DDAH1: variants seen among roughly 807,000 people sequenced by gnomAD.
The protein encoded by DDAH1 is dimethylarginine dimethylaminohydrolase 1, also known as N(G),N(G)-dimethylarginine dimethylaminohydrolase 1.
A neutral mutation model predicts 28.8 loss-of-function variants in DDAH1; 19 were observed. The ratio of observed to expected loss-of-function variants is 0.66; its 90% CI spans 0.46 to 0.97. The LOEUF is 0.97. DDAH1 is among the 50% of genes least tolerant of loss of function. The probability of loss-of-function intolerance (pLI) is 0.00; values close to 1 mark genes in which losing one functional copy is unlikely to be tolerated. For synonymous variants in DDAH1, 153 were observed against 154.4 expected, an observed-to-expected ratio of 0.99 and a Z score of 0.07; for missense variants, 326 against 375.9, an observed-to-expected ratio of 0.87 and a Z score of 1.10.
At chr1:85,326,544 T>TCC (rs1647407148) in intron 4 of DDAH1, among the ~76,000 whole-genome samples, 1 of 152,192 alleles carries the variant, frequency 6.6e-6, no homozygotes, top group Non-Finnish European at 1.5e-5. Flanking sequence ...CTCAAAACGT[T>TCC]TCTTAATCAT....
chr1:85,551,344 T>G (rs375700174), intron 1 of DDAH1, among the ~76,000 whole-genome samples: 1 of 152,222 alleles, frequency 6.6e-6, no homozygotes, highest in Non-Finnish European at 1.5e-5. Context: ...TCTACTACTC[T>G]GGGATCTGCT....
intron 1 of DDAH1, among the ~76,000 whole-genome samples, chr1:85,424,497 A>G (rs567422924): frequency 2.0e-5 from 3 of 152,260 alleles, no homozygotes; most frequent in Admixed American, 1.3e-4. Context: ...CACACACTAT[A>G]TAAGTAAAGA....
At chr1:85,493,796 T>C (rs1656485514) in intron 2 of DDAH1, 1 of 152,222 alleles carries the variant, frequency 6.6e-6, no homozygotes, top group Non-Finnish European at 1.5e-5. Context: ...GAGACAGCTT[T>C]TTAAAATGGA....
rs540316564 is a variant in DDAH1 at position 85,358,716 on chromosome 1, T to A, written c.403+32A>T. The A allele has an allele frequency of 2.7e-4, 389 of 1,417,560 alleles. 5 individuals carry two copies. In the South Asian group the frequency reaches 4.5e-3, roughly 16 times the overall value. 87.8% of individuals were successfully genotyped at this position (1,417,560 alleles called of 1,614,324 possible). ...AAATACAAGCCAAGTATTAAAAATA[T>A]TCTTGGATAGAAAAAATAAATACAA... On this transcript the variant is annotated intron_variant, in intron 2 of 5. Coordinates refer to ENST00000284031, the MANE Select transcript of DDAH1 (RefSeq NM_012137.4).
At chr1:85,543,558 G>C (rs1658532269) in intron 1 of DDAH1, among the ~76,000 whole-genome samples, 1 of 152,144 alleles carries the variant, frequency 6.6e-6, no homozygotes, top group African/African-American at 2.4e-5. Flanking sequence ...GGTTTAGACA[G>C]GTTAAAGAAA....
At chr1:85,325,375 A>G (rs1221956724) in intron 4 of DDAH1, among the ~76,000 whole-genome samples, 1 of 152,156 alleles carries the variant, frequency 6.6e-6, no homozygotes, top group Non-Finnish European at 1.5e-5. Flanking sequence ...GCGCACACAC[A>G]CACGCTTTGC....
In DDAH1 at chr1:85,465,021, C is replaced by T; in HGVS notation, c.25G>A (p.Ala9Thr). MAGLGHPA[A>T]FGRATHAVVR... ...ACGGCGTGGGTGGCCCGGCCGAAGG[C>T]GGCGGGGTGGCCGAGCCCGGCCATG... Residue 9 changes from alanine (A) to threonine (T), a missense_variant, in exon 1 of 6, where the codon GCC becomes ACC. Transcript: ENST00000284031. 2.3e-6 allele frequency: 3 copies of T among 1,330,590 alleles called. No individual in the cohort carries two copies. In the African/African-American group the frequency reaches 4.6e-5, roughly 20 times the overall value. 82.4% of individuals were successfully genotyped at this position (1,330,590 alleles called of 1,614,324 possible).
chr1:85,404,294 C>T, intron 1 of DDAH1: 3 of 1,347,666 alleles, frequency 2.2e-6, no homozygotes, highest in Non-Finnish European at 3.1e-6. Context: ...ACCCATTATA[C>T]ATGAAACTTC....
At chr1:85,389,869 A>G (rs930919511) in intron 1 of DDAH1, among the ~76,000 whole-genome samples, 5 of 152,218 alleles carry the variant, frequency 3.3e-5, no homozygotes, top group African/African-American at 1.2e-4. Flanking sequence ...TGGGCTCACC[A>G]TTAGTAAAAT....
At chr1:85,509,071 G>A (rs1657131585) in intron 1 of DDAH1, among the ~76,000 whole-genome samples, 1 of 152,226 alleles carries the variant, frequency 6.6e-6, no homozygotes, top group Non-Finnish European at 1.5e-5. Context: ...CCTAGTAGGG[G>A]CTGACAGATA....
intron 1 of DDAH1, among the ~76,000 whole-genome samples, chr1:85,457,596 G>T (rs1654945048): frequency 6.6e-6 from 1 of 152,124 alleles, no homozygotes; most frequent in South Asian, 2.1e-4. Flanking sequence ...ACTATCAAAA[G>T]CAGTCATTTT....
At chr1:85,457,086 A>G (rs1455620099) in intron 1 of DDAH1, among the ~76,000 whole-genome samples, 1 of 152,174 alleles carries the variant, frequency 6.6e-6, no homozygotes, top group African/African-American at 2.4e-5. Context: ...ATCCCTCTAG[A>G]CCCAAAACAA....
chr1:85,416,812 T>A (rs1356671535), intron 1 of DDAH1, among the ~76,000 whole-genome samples: 1 of 151,954 alleles, frequency 6.6e-6, no homozygotes, highest in Non-Finnish European at 1.5e-5. Flanking sequence ...TGACCACAGG[T>A]GCACATCACT....
chr1:85,328,749 C>G (rs1647575581), intron 4 of DDAH1, among the ~76,000 whole-genome samples: 2 of 152,342 alleles, frequency 1.3e-5, no homozygotes, highest in African/African-American at 4.8e-5. Flanking sequence ...TACACAACCA[C>G]TGCTACCTGG....
At chr1:85,537,776 T>C (rs1267861594) in intron 1 of DDAH1, among the ~76,000 whole-genome samples, 7 of 151,278 alleles carry the variant, frequency 4.6e-5, no homozygotes, top group Non-Finnish European at 8.8e-5. Flanking sequence ...TAAATTATAA[T>C]CTTTAGGACT....
intron 1 of DDAH1, among the ~76,000 whole-genome samples, chr1:85,439,193 T>C (rs534902265): frequency 5.3e-5 from 8 of 152,212 alleles, no homozygotes; most frequent in Non-Finnish European, 1.0e-4. Flanking sequence ...GGAATATGAA[T>C]GTTCCAGCTT....
At chr1:85,523,526 T>C (rs1657761662) in intron 1 of DDAH1, among the ~76,000 whole-genome samples, 1 of 152,172 alleles carries the variant, frequency 6.6e-6, no homozygotes, top group Non-Finnish European at 1.5e-5. Flanking sequence ...CATCAAACCA[T>C]AACTTGTCTG....
intron 1 of DDAH1, among the ~76,000 whole-genome samples, chr1:85,371,583 T>C (rs1650387563): frequency 6.6e-6 from 1 of 152,176 alleles, no homozygotes; most frequent in South Asian, 2.1e-4. Flanking sequence ...ATCACTTGAA[T>C]TGGAGACAAG....
chr1:85,538,433 T>G (rs1369521487), intron 1 of DDAH1, among the ~76,000 whole-genome samples: 3 of 152,174 alleles, frequency 2.0e-5, no homozygotes, highest in African/African-American at 7.2e-5. Flanking sequence ...TCCTAAACCA[T>G]ATGGTATCAT....
Sources: allele counts gnomAD v4.1 joint callset (sites outside exome capture counted in the v4.1 genomes callset), GRCh38; gene constraint gnomAD v4.1.1; transcripts MANE v1.5; gene names NCBI Gene and HGNC (gene_info 2026-07-23, HGNC 2026-07-21).